The following THSD7B variants were observed in gnomAD, a reference collection of about 807,000 sequenced individuals.
THSD7B encodes the protein thrombospondin type 1 domain containing 7B, also known as thrombospondin type-1 domain-containing protein 7B.
THSD7B carries 138 observed loss-of-function variants against 213.6 expected under a neutral mutation model. That is an observed-to-expected ratio of 0.65 (90% CI 0.56 to 0.74). THSD7B has a LOEUF of 0.74. THSD7B is among the 30% of genes least tolerant of loss of function. The pLI is 0.00. For missense variants in THSD7B, 1,931 were observed against 1,991.5 expected, an observed-to-expected ratio of 0.97 and a Z score of 0.58; for synonymous variants, 742 against 687.0, an observed-to-expected ratio of 1.08 and a Z score of -1.25.
chr2:137,464,879 G>A (rs1373477535), intron 15 of THSD7B, among the ~76,000 whole-genome samples: 1 of 151,996 alleles, frequency 6.6e-6, no homozygotes. Flanking sequence ...GATTAGATAT[G>A]TATGTTCAGT....
chr2:137,335,883 TC>T (rs1401248754), intron 12 of THSD7B, among the ~76,000 whole-genome samples: 2 of 152,184 alleles, frequency 1.3e-5, no homozygotes, highest in Admixed American at 6.6e-5. Flanking sequence ...TCTTTTTTTT[TC>T]TTTTTTAGTT....
In THSD7B at chr2:137,165,742, T is replaced by C. The variant is rs577846485; in HGVS notation, c.1526-4999T>C. Among the ~76,000 whole-genome samples, 9 of 141,372 alleles carry C rather than the reference T, an allele frequency of 6.4e-5. No homozygotes were observed. In the East Asian group the frequency reaches 1.9e-3, roughly 30 times the overall value. 92.7% of individuals were successfully genotyped at this position (141,372 alleles called of 152,430 possible). A position where few individuals can be genotyped will look rare whatever the true frequency, so the allele number is the denominator to read the frequency against. On this transcript the variant is annotated intron_variant, in intron 6 of 27. Coordinates refer to ENST00000409968, the MANE Select transcript of THSD7B (RefSeq NM_001316349.2). ...TCTAGGATATTTATACTTTCCTAGA[T>C]ATTTCATACTCTTAAAAAATACACA...
intron 2 of THSD7B, among the ~76,000 whole-genome samples, chr2:136,909,182 C>CA (rs796424857): frequency 2.6e-4 from 40 of 151,356 alleles, no homozygotes; most frequent in African/African-American, 9.2e-4. Flanking sequence ...GACCTTGTCT[C>CA]AAAAAAAAGG....
At chr2:136,802,639 T>TTATATATATA (rs56719114) in intron 1 of THSD7B, among the ~76,000 whole-genome samples, 1,707 of 57,122 alleles carry the variant, frequency 0.03, 211 homozygotes, top group Non-Finnish European at 0.043. Context: ...TGAATTAAGT[T>TTATATATATA]TATATATATA....
chr2:136,833,452 T>C (rs1682793218), intron 1 of THSD7B, among the ~76,000 whole-genome samples: 1 of 145,752 alleles, frequency 6.9e-6, no homozygotes, highest in South Asian at 2.1e-4. Flanking sequence ...TTTTTTGCAA[T>C]TAACTGTTTG....
chr2:137,275,911 T>C lies in THSD7B; in HGVS notation c.2397-12T>C, dbSNP rs192892746. ...AGTAAAGTTTCTAGTCCATCGTTTTTGGTAATCACAGGTGGAAGCCACAGA... is the reference window on the plus strand; with the variant it reads ...AGTAAAGTTTCTAGTCCATCGTTTTCGGTAATCACAGGTGGAAGCCACAGA... On this transcript the variant is annotated splice_polypyrimidine_tract_variant and intron_variant, in intron 11 of 27. Coordinates refer to ENST00000409968, the MANE Select transcript of THSD7B (RefSeq NM_001316349.2). 118 of 1,602,058 alleles carry C rather than the reference T, an allele frequency of 7.4e-5. 1 individual carries two copies. The Admixed American group carries it at 1.3e-3, about 18-fold the overall frequency.
intron 15 of THSD7B, among the ~76,000 whole-genome samples, chr2:137,529,596 C>T (rs1481453130): frequency 4.4e-5 from 6 of 136,816 alleles, no homozygotes; most frequent in African/African-American, 1.0e-4. Flanking sequence ...TTCTAAGAAT[C>T]TTTTTTTTTT....
chr2:137,024,064 C>T (rs1459642219), intron 2 of THSD7B, among the ~76,000 whole-genome samples: 3 of 152,100 alleles, frequency 2.0e-5, no homozygotes, highest in African/African-American at 7.2e-5. Flanking sequence ...TTTGAAATGA[C>T]ATCCATTTGT....
chr2:137,147,309 C>G (rs781039350), intron 5 of THSD7B, among the ~76,000 whole-genome samples: 1 of 152,114 alleles, frequency 6.6e-6, no homozygotes, highest in Non-Finnish European at 1.5e-5. Context: ...AAAAATTCTG[C>G]GGACTCTTGT....
At chr2:137,391,191 G>A (rs925524993) in intron 12 of THSD7B, among the ~76,000 whole-genome samples, 8 of 151,994 alleles carry the variant, frequency 5.3e-5, no homozygotes, top group Non-Finnish European at 1.2e-4. Flanking sequence ...ATTTTGGGAG[G>A]TTGTATGTTT....
At chr2:137,256,818 G>A (rs1418518675) in intron 10 of THSD7B, among the ~76,000 whole-genome samples, 1 of 152,150 alleles carries the variant, frequency 6.6e-6, no homozygotes, top group Non-Finnish European at 1.5e-5. Flanking sequence ...ATAGAAAAGG[G>A]GAATTGAAGT....
chr2:136,833,032 A>G (rs1682780891), intron 1 of THSD7B, among the ~76,000 whole-genome samples: 1 of 152,148 alleles, frequency 6.6e-6, no homozygotes, highest in Non-Finnish European at 1.5e-5. Flanking sequence ...TTGGGTGATT[A>G]TCATATTGGT....
chr2:137,111,633 G>A (rs1688347138), intron 4 of THSD7B, among the ~76,000 whole-genome samples: 1 of 152,182 alleles, frequency 6.6e-6, no homozygotes, highest in African/African-American at 2.4e-5. Context: ...CTGGTATACA[G>A]TAAGCAGGCA....
chr2:137,467,082 T>A (rs1202733566), intron 15 of THSD7B, among the ~76,000 whole-genome samples: 1 of 152,158 alleles, frequency 6.6e-6, no homozygotes, highest in Non-Finnish European at 1.5e-5. Flanking sequence ...AAGCTGCATG[T>A]ATGTCCATTC....
intron 2 of THSD7B, among the ~76,000 whole-genome samples, chr2:137,007,601 A>G (rs1167330414): frequency 6.6e-6 from 1 of 152,222 alleles, no homozygotes; most frequent in East Asian, 1.9e-4. Context: ...TGGCCTGGTC[A>G]GATCTTGAAT....
intron 16 of THSD7B, among the ~76,000 whole-genome samples, chr2:137,567,621 G>T (rs1317428451): frequency 1.3e-5 from 2 of 152,094 alleles, no homozygotes; most frequent in Non-Finnish European, 2.9e-5. Flanking sequence ...TGAAGGTGTA[G>T]AACACAGAGT....
At chr2:137,150,928 A>G (rs1231140017) in intron 5 of THSD7B, among the ~76,000 whole-genome samples, 3 of 152,192 alleles carry the variant, frequency 2.0e-5, no homozygotes, top group Non-Finnish European at 4.4e-5. Flanking sequence ...AGATACAGTA[A>G]AAATACAGTG....
intron 3 of THSD7B, among the ~76,000 whole-genome samples, chr2:137,086,896 C>T (rs1438608139): frequency 6.6e-6 from 1 of 152,146 alleles, no homozygotes; most frequent in Non-Finnish European, 1.5e-5. Flanking sequence ...AGGCAATACT[C>T]CTAGGGGAAA....
At chr2:137,426,729 G>T (rs1205109758) in intron 14 of THSD7B, among the ~76,000 whole-genome samples, 1 of 152,144 alleles carries the variant, frequency 6.6e-6, no homozygotes, top group Non-Finnish European at 1.5e-5. Context: ...AAACATTCAT[G>T]ACATTGGTCT....
Sources: allele counts gnomAD v4.1 joint callset (sites outside exome capture counted in the v4.1 genomes callset), GRCh38; gene constraint gnomAD v4.1.1; transcripts MANE v1.5; gene names NCBI Gene and HGNC (gene_info 2026-07-23, HGNC 2026-07-21).